Variants in CCDC3 observed in about 807,000 individuals in gnomAD.
CCDC3 encodes coiled-coil domain containing 3.
In CCDC3, 24 loss-of-function variants were observed where a neutral mutation model predicts 21.4. The ratio of observed to expected loss-of-function variants is 1.12; its 90% CI spans 0.81 to 1.58. The LOEUF (loss-of-function observed/expected upper bound fraction) is 1.58. Ranked by LOEUF, CCDC3 falls within the 40% of genes most tolerant of loss-of-function variation. The probability of loss-of-function intolerance (pLI) is 0.00; values close to 1 mark genes in which losing one functional copy is unlikely to be tolerated. For synonymous variants in CCDC3, 186 were observed against 166.0 expected (o/e 1.12, Z -0.93); for missense variants, 425 against 360.9 (o/e 1.18, Z -1.44).
intron 3 of CCDC3, among the ~76,000 whole-genome samples, chr10:13,091,860 T>TCCCTGAAATCCCTCCTTGCTGGCAGATC (rs5783306): frequency 6.6e-6 from 1 of 150,558 alleles, no homozygotes; most frequent in Non-Finnish European, 1.5e-5. Context: ...TGCTGGCAGA[T>TCCCTGAAATCCCTCCTTGCTGGCAGATC]CCTGAAATCC....
chr10:13,002,557 T>C (rs1017469632), upstream of CCDC3, among the ~76,000 whole-genome samples: 4 of 152,068 alleles, frequency 2.6e-5, no homozygotes, highest in African/African-American at 9.7e-5. Context: ...CGGATAATTT[T>C]TTGTTTTTAG....
At chr10:13,052,596 T>C (rs375000568) in intron 4 of CCDC3, among the ~76,000 whole-genome samples, 19 of 152,208 alleles carry the variant, frequency 1.2e-4, no homozygotes, top group African/African-American at 4.6e-4. Flanking sequence ...CTTGTGCCCA[T>C]AAAATTTTGT....
intron 2 of CCDC3, among the ~76,000 whole-genome samples, chr10:12,905,487 A>G (rs1834155498): frequency 6.6e-6 from 1 of 152,138 alleles, no homozygotes; most frequent in African/African-American, 2.4e-5. Context: ...GAATGGATGA[A>G]GGGCAAAGGG....
intron 5 of CCDC3, among the ~76,000 whole-genome samples, chr10:13,016,611 G>T (rs1357860785): frequency 6.6e-6 from 1 of 151,800 alleles, no homozygotes; most frequent in African/African-American, 2.4e-5. Context: ...CCCTTCCCCC[G>T]GGGTCACATA....
chr10:13,074,850 C>A (rs1788297579), intron 3 of CCDC3, among the ~76,000 whole-genome samples: 1 of 152,208 alleles, frequency 6.6e-6, no homozygotes. Flanking sequence ...TTGTCTATTT[C>A]TTATTTTGAT....
chr10:13,038,185 A>AC (rs768884953), intron 5 of CCDC3, among the ~76,000 whole-genome samples: 26 of 152,034 alleles, frequency 1.7e-4, no homozygotes, highest in Non-Finnish European at 3.7e-4. Context: ...GGCGGGGAAA[A>AC]ACACACACTG....
intron 4 of CCDC3, among the ~76,000 whole-genome samples, chr10:13,056,674 A>T (rs1196313145): frequency 6.6e-6 from 1 of 152,230 alleles, no homozygotes; most frequent in Admixed American, 6.5e-5. Flanking sequence ...CAGAATAAAA[A>T]GCAGGGAGGT....
chr10:12,913,424 T>C (rs1431417939), intron 2 of CCDC3, among the ~76,000 whole-genome samples: 1 of 152,260 alleles, frequency 6.6e-6, no homozygotes, highest in Admixed American at 6.5e-5. Flanking sequence ...TTTTTGTGTG[T>C]TGATTTTGTA....
intron 2 of CCDC3, among the ~76,000 whole-genome samples, chr10:12,989,801 C>G (rs1191751973): frequency 6.6e-6 from 1 of 152,114 alleles, no homozygotes; most frequent in South Asian, 2.1e-4. Flanking sequence ...GTCTTTTTCA[C>G]TGTTTGTCAT....
chr10:13,026,940 C>T (rs754635075), intron 5 of CCDC3, among the ~76,000 whole-genome samples: 11 of 152,148 alleles, frequency 7.2e-5, no homozygotes, highest in African/African-American at 2.4e-4. Flanking sequence ...TGAACAGATC[C>T]GTCATTTTAC....
intron 2 of CCDC3, among the ~76,000 whole-genome samples, chr10:12,994,616 C>T (rs189863736): frequency 3.3e-5 from 5 of 152,166 alleles, no homozygotes; most frequent in African/African-American, 1.2e-4. Flanking sequence ...TCTATTCTTA[C>T]TGGAATAAAA....
intron 2 of CCDC3, among the ~76,000 whole-genome samples, chr10:12,991,322 T>C (rs930734320): frequency 6.6e-6 from 1 of 151,530 alleles, no homozygotes; most frequent in Non-Finnish European, 1.5e-5. Flanking sequence ...TTGTTGTTGT[T>C]TTGTTTTTTT....
Position 12,959,795 on chromosome 10 carries a change from G to A in CCDC3, c.549+38543C>T, listed in dbSNP as rs145719691. ...TTCCAAGCTCAGCCCTTACCATTGC[G>A]TCCCATGGCACCCAAAACACTCACA... is the stretch of plus-strand genomic sequence containing the variant. On this transcript the variant is annotated intron_variant, in intron 2 of 2. Transcript: ENST00000378825. 5.3e-5 allele frequency among the ~76,000 whole-genome samples: 8 copies of A among 152,154 alleles called. No homozygotes were observed. The East Asian group carries it at 7.7e-4, about 15-fold the overall frequency.
At chr10:13,071,388 A>T (rs1015487491) in intron 4 of CCDC3, among the ~76,000 whole-genome samples, 1 of 152,196 alleles carries the variant, frequency 6.6e-6, no homozygotes, top group African/African-American at 2.4e-5. Context: ...GAATCCAGAG[A>T]CAGATGATAA....
intron 2 of CCDC3, among the ~76,000 whole-genome samples, chr10:12,982,481 C>T (rs1157549069): frequency 6.6e-6 from 1 of 151,210 alleles, no homozygotes. Flanking sequence ...TTTCATATTA[C>T]GTGTTTTTTA....
In CCDC3 at chr10:12,903,794, A is replaced by C. The variant is rs149167046; in HGVS notation, c.550-5115T>G. 4.5e-3 allele frequency among the ~76,000 whole-genome samples: 684 copies of C among 152,352 alleles called. 9 individuals carry two copies. Among genetic ancestry groups the C allele is most frequent in the African/African-American group, 0.015 (628 of 41,586 alleles). The stretch of plus-strand genomic sequence containing the variant: ...ACAAAAGTTAGGCTGGGATATCCAT[A>C]CTTCCTTATCTGTCTAAAATAACAC... On this transcript the variant is annotated intron_variant, in intron 2 of 2. Transcript: ENST00000378825.
At chr10:12,987,251 T>C (rs1018188550) in intron 2 of CCDC3, among the ~76,000 whole-genome samples, 1 of 152,182 alleles carries the variant, frequency 6.6e-6, no homozygotes, top group African/African-American at 2.4e-5. Context: ...ATCACTTGAC[T>C]TCAGAGACCA....
intron 5 of CCDC3, among the ~76,000 whole-genome samples, chr10:13,047,756 G>T (rs1411028299): frequency 1.3e-5 from 2 of 152,172 alleles, no homozygotes; most frequent in African/African-American, 4.8e-5. Context: ...TCTCCAGAGG[G>T]ACTAAGGCCT....
intron 3 of CCDC3, among the ~76,000 whole-genome samples, chr10:13,090,629 A>G (rs1832555039): frequency 6.6e-6 from 1 of 152,152 alleles, no homozygotes; most frequent in Non-Finnish European, 1.5e-5. Flanking sequence ...TCCTTCCCCC[A>G]GGGCAGCTGC....
Sources: gnomAD v4.1 joint callset for allele counts (sites outside exome capture counted in the v4.1 genomes callset) on GRCh38, gnomAD v4.1.1 for gene constraint, MANE v1.5 for transcripts, NCBI Gene and HGNC (gene_info 2026-07-23, HGNC 2026-07-21) for gene names.